CYTH1: variants seen among roughly 807,000 people sequenced by gnomAD.
The protein encoded by CYTH1 is cytohesin 1, also known as cytohesin-1.
In CYTH1, 18 loss-of-function variants were observed where a neutral mutation model predicts 61.8. The observed-to-expected ratio is 0.29, with a 90% CI of 0.20 to 0.43. The LOEUF (loss-of-function observed/expected upper bound fraction) is 0.43, where lower values mean the gene tolerates loss of function less well. Among genes scored for constraint, CYTH1 ranks in the 20% least tolerant of loss-of-function variants. The probability of loss-of-function intolerance (pLI) is 1.00; values close to 1 mark genes in which losing one functional copy is unlikely to be tolerated. For synonymous variants in CYTH1, 174 were observed against 184.3 expected, an observed-to-expected ratio of 0.94 and a Z score of 0.45; for missense variants, 336 against 510.5, an observed-to-expected ratio of 0.66 and a Z score of 3.29.
intron 13 of CYTH1, 115 bp from the exon 14 acceptor site, chr17:78,676,284 C>T (rs143867049): frequency 2.1e-6 from 2 of 973,902 alleles, no homozygotes; most frequent in Non-Finnish European, 1.5e-6. Flanking sequence ...TCCCACCCCA[C>T]CATCACTGCA....
intron 11 of CYTH1, among the ~76,000 whole-genome samples, chr17:78,686,641 T>A (rs973572569): frequency 6.6e-6 from 1 of 152,180 alleles, no homozygotes; most frequent in African/African-American, 2.4e-5. Context: ...GTTTGCTCCA[T>A]CTATCTGGGC....
chr17:78,767,722 G>A (rs936229264), intron 1 of CYTH1, among the ~76,000 whole-genome samples: 5 of 151,974 alleles, frequency 3.3e-5, no homozygotes, highest in Admixed American at 2.0e-4. Flanking sequence ...GGTGATAAAA[G>A]TTTAAAAATT....
chr17:78,702,115 G>A lies in CYTH1; in HGVS notation c.356+7C>T. 1 of 1,603,854 alleles carries A rather than the reference G, an allele frequency of 6.2e-7. No individual in the cohort carries two copies. Among genetic ancestry groups the A allele is most frequent in the African/African-American group, 1.3e-5 (1 of 74,834 alleles). On this transcript the variant is annotated splice_region_variant and intron_variant, in intron 5 of 13. Transcript: ENST00000446868. Reference sequence around the variant, plus strand: ...CCCTAGCATGCGCATAATCCCCAAGGCCTTACCTCTCCCCTAGGTAGTCGC... The same window carrying A: ...CCCTAGCATGCGCATAATCCCCAAGACCTTACCTCTCCCCTAGGTAGTCGC...
At chr17:78,770,838 T>C (rs2144752565) in intron 1 of CYTH1, among the ~76,000 whole-genome samples, 1 of 151,980 alleles carries the variant, frequency 6.6e-6, no homozygotes, top group African/African-American at 2.4e-5. Flanking sequence ...CAAGAAAAGG[T>C]AGAAAATGGC....
intron 1 of CYTH1, among the ~76,000 whole-genome samples, chr17:78,759,023 A>G (rs2144701801): frequency 6.6e-6 from 1 of 151,904 alleles, no homozygotes; most frequent in Admixed American, 6.5e-5. Context: ...GGATTGCTTA[A>G]GCATAGGAGA....
intron 11 of CYTH1, among the ~76,000 whole-genome samples, chr17:78,681,774 C>T (rs1367497384): frequency 6.6e-6 from 1 of 151,364 alleles, no homozygotes; most frequent in Non-Finnish European, 1.5e-5. Context: ...GGAGACGGAG[C>T]CTGCAGTGGG....
At chr17:78,746,127 A>G (rs2093358636) in intron 1 of CYTH1, among the ~76,000 whole-genome samples, 3 of 152,210 alleles carry the variant, frequency 2.0e-5, no homozygotes, top group Admixed American at 2.0e-4. Flanking sequence ...AAAAAACTAT[A>G]TACACAATAA....
intron 5 of CYTH1, 49 bp downstream of exon 5, chr17:78,702,073 C>G: frequency 7.0e-7 from 1 of 1,430,142 alleles, no homozygotes; most frequent in Non-Finnish European, 9.8e-7. Context: ...TTCTTTGTGT[C>G]GTTCCTGAAC....
chr17:78,709,306 C>A, intron 2 of CYTH1: 1 of 225,400 alleles, frequency 4.4e-6, no homozygotes, highest in Admixed American at 5.7e-5. Context: ...CCGAGCTTCG[C>A]CTGAAGCCCA....
At chr17:78,678,414 G>A (rs2092723837) in intron 13 of CYTH1, 1 of 152,224 alleles carries the variant, frequency 6.6e-6, no homozygotes, top group South Asian at 2.1e-4. Context: ...TGGGGGAGCT[G>A]GGTACACTCT....
intron 1 of CYTH1, among the ~76,000 whole-genome samples, chr17:78,729,934 T>C (rs1177259336): frequency 6.6e-6 from 1 of 152,204 alleles, no homozygotes; most frequent in Non-Finnish European, 1.5e-5. Context: ...CTCTTCTGCC[T>C]ATCTGTATAT....
intron 11 of CYTH1, 136 bp from the exon 12 acceptor site, chr17:78,681,178 T>C (rs2092758129): frequency 1.3e-6 from 1 of 785,912 alleles, no homozygotes; most frequent in African/African-American, 1.8e-5. Flanking sequence ...CTGAGGGAAC[T>C]CCTTACATTC....
At chr17:78,738,351 G>T (rs1210648873) in intron 1 of CYTH1, among the ~76,000 whole-genome samples, 1 of 152,178 alleles carries the variant, frequency 6.6e-6, no homozygotes, top group African/African-American at 2.4e-5. Flanking sequence ...TGGCTGCAGA[G>T]CCCATCCTCC....
At chr17:78,713,055 C>T (rs1333345311) in intron 1 of CYTH1, among the ~76,000 whole-genome samples, 1 of 151,720 alleles carries the variant, frequency 6.6e-6, no homozygotes, top group East Asian at 1.9e-4. Context: ...AATGTTTCTT[C>T]CCAGGCTGAA....
intron 2 of CYTH1, 89 bp downstream of exon 2, chr17:78,709,561 G>C (rs572037032): frequency 4.4e-6 from 6 of 1,361,796 alleles, no homozygotes; most frequent in South Asian, 1.2e-5. Flanking sequence ...AGTGTCTTGA[G>C]GAGACACTCT....
At chr17:78,695,587 A>G (rs1310176902) in intron 10 of CYTH1, among the ~76,000 whole-genome samples, 1 of 152,216 alleles carries the variant, frequency 6.6e-6, no homozygotes, top group African/African-American at 2.4e-5. Context: ...AAAAGAAGAA[A>G]AAAGAAAGAC....
intron 1 of CYTH1, among the ~76,000 whole-genome samples, chr17:78,753,708 TC>T (rs2093389732): frequency 1.3e-5 from 2 of 152,096 alleles, no homozygotes; most frequent in Non-Finnish European, 2.9e-5. Context: ...TTTGCCATAC[TC>T]CAATTATGAA....
intron 1 of CYTH1, among the ~76,000 whole-genome samples, chr17:78,715,023 CAA>C (rs1253079989): frequency 2.0e-5 from 3 of 151,986 alleles, no homozygotes; most frequent in Non-Finnish European, 4.4e-5. Context: ...TCCTGTAGAA[CAA>C]AGAGGTTTGA....
intron 1 of CYTH1, among the ~76,000 whole-genome samples, chr17:78,721,305 G>A (rs996991486): frequency 1.3e-5 from 2 of 152,128 alleles, no homozygotes; most frequent in East Asian, 3.8e-4. Flanking sequence ...ACTCCAGCTC[G>A]GGCGACAGAG....
Sources: allele counts gnomAD v4.1 joint callset (sites outside exome capture counted in the v4.1 genomes callset), GRCh38; gene constraint gnomAD v4.1.1; transcripts MANE v1.5; gene names NCBI Gene and HGNC (gene_info 2026-07-23, HGNC 2026-07-21).